Variants in PIWIL1 observed in about 807,000 individuals in gnomAD.
The protein encoded by PIWIL1 is piwi-like protein 1.
Under a neutral mutation model 114.4 loss-of-function variants are expected in PIWIL1, and 73 were observed. The ratio of observed to expected loss-of-function variants is 0.64; its 90% confidence interval spans 0.53 to 0.78. PIWIL1 has a LOEUF of 0.78. PIWIL1 is among the 30% of genes least tolerant of loss of function. The pLI is 0.00. For missense variants in PIWIL1, 723 were observed against 1,063.1 expected, an observed-to-expected ratio of 0.68 and a Z score of 4.45; for synonymous variants, 375 against 369.0, an observed-to-expected ratio of 1.02 and a Z score of -0.19.
In PIWIL1 at chr12:130,343,078, C is replaced by T; in HGVS notation, c.167C>T (p.Ala56Val). ...LFGRGRQRGTAGGTAKSQGLQ... is the reference protein window; with the variant it reads ...LFGRGRQRGTVGGTAKSQGLQ... ...GGCCGTGGACGGCAGAGAGGAACAGCAGGAGGAACAGCCAAGTCACAAGGT... is the reference window on the plus strand; with the variant it reads ...GGCCGTGGACGGCAGAGAGGAACAGTAGGAGGAACAGCCAAGTCACAAGGT... The change falls in exon 3 of 21, where the codon GCA (alanine) becomes GTA (valine). Residue 56 changes from alanine to valine, a missense_variant. Ala to Val is a moderately conservative substitution (Grantham distance 64). Transcript: ENST00000245255. The T allele has an allele frequency of 6.2e-7, 1 of 1,613,328 alleles. No individual in the cohort carries two copies. Among genetic ancestry groups the T allele is most frequent in the Non-Finnish European group, 8.5e-7 (1 of 1,179,496 alleles).
the PIWIL1 span, among the ~76,000 whole-genome samples, chr12:130,390,531 AT>A: frequency 6.6e-6 from 1 of 152,108 alleles, no homozygotes; most frequent in African/African-American, 2.4e-5. Flanking sequence ...CCCTGCTCCA[AT>A]TCAGCCACCT....
At chr12:130,385,474 G>C in the PIWIL1 span, among the ~76,000 whole-genome samples, 607 of 152,266 alleles carry the variant, frequency 4.0e-3, 4 homozygotes, top group African/African-American at 0.014. Context: ...ACTTAACTGT[G>C]AAACAAAACA....
chr12:130,416,013 G>A, the PIWIL1 span, among the ~76,000 whole-genome samples: 3 of 151,686 alleles, frequency 2.0e-5, no homozygotes, highest in South Asian at 2.1e-4. Context: ...AAGACACACA[G>A]AATGTACCTA....
At chr12:130,357,849 A>G (rs1308066090) in intron 14 of PIWIL1, among the ~76,000 whole-genome samples, 1 of 152,192 alleles carries the variant, frequency 6.6e-6, no homozygotes, top group Non-Finnish European at 1.5e-5. Context: ...AAAATACAGA[A>G]AAGCACAGAG....
intron 9 of PIWIL1, among the ~76,000 whole-genome samples, chr12:130,353,301 C>T (rs1248630769): frequency 8.4e-6 from 1 of 119,672 alleles, no homozygotes; most frequent in African/African-American, 3.1e-5. Flanking sequence ...TTCTGGTGTG[C>T]TCAGTGGAGG....
the PIWIL1 span, among the ~76,000 whole-genome samples, chr12:130,400,815 C>T: frequency 1.3e-5 from 2 of 152,164 alleles, no homozygotes; most frequent in Non-Finnish European, 2.9e-5. Flanking sequence ...ATTCAGGTGG[C>T]CAGCAGGCAC....
At position 130,341,221 on chromosome 12, in the gene PIWIL1, C is replaced by T. The variant is rs115258183; in HGVS notation, c.-12-1359C>T. On this transcript the variant is annotated intron_variant, in intron 1 of 20. Transcript: ENST00000245255. ...TGCCCACATGAAATCCTCCACTCCCCTTGCCCCTTCTCTTTCCAGTCCCAC... is the reference window on the plus strand; with the variant it reads ...TGCCCACATGAAATCCTCCACTCCCTTTGCCCCTTCTCTTTCCAGTCCCAC... 9.3e-3 allele frequency among the ~76,000 whole-genome samples: 1,424 copies of T among 152,344 alleles called. 34 individuals carry two copies. Among genetic ancestry groups the T allele is most frequent in the African/African-American group, 0.033 (1,364 of 41,574 alleles).
chr12:130,376,860 C>T (rs557776021), downstream of PIWIL1, among the ~76,000 whole-genome samples: 6 of 152,330 alleles, frequency 3.9e-5, no homozygotes, highest in African/African-American at 7.2e-5. Flanking sequence ...AACACAGAGT[C>T]GTTGCCAGGT....
chr12:130,364,870 T>C (rs1359833301), intron 18 of PIWIL1, among the ~76,000 whole-genome samples: 2 of 152,188 alleles, frequency 1.3e-5, no homozygotes, highest in African/African-American at 4.8e-5. Context: ...GTGAAGGAAA[T>C]TGTCAAGAAA....
Position 130,357,083 on chromosome 12 carries a change from A to G in PIWIL1, c.1570A>G (p.Met524Val), listed in dbSNP as rs1210296076. ...NLFKVTPAMG[M>V]QMRKAIMIEV... The stretch of plus-strand genomic sequence containing the variant: ...ATTTAAAGTTACACCAGCCATGGGC[A>G]TGCAAATGAGAAAAGCAATAATGTA... The change falls in exon 13 of 21, where the codon ATG (methionine) becomes GTG (valine). Residue 524 changes from methionine to valine, a missense_variant. By Grantham distance (21) the Met-to-Val change is conservative. Coordinates refer to ENST00000245255, the MANE Select transcript of PIWIL1 (RefSeq NM_004764.5). The G allele has an allele frequency of 6.2e-7, 1 of 1,610,050 alleles. No individual in the cohort carries two copies. The highest frequency in any genetic ancestry group is 1.1e-5 in the South Asian group (1 of 90,430).
At chr12:130,389,066 A>G in the PIWIL1 span, among the ~76,000 whole-genome samples, 29 of 152,122 alleles carry the variant, frequency 1.9e-4, no homozygotes, top group Non-Finnish European at 3.8e-4. Flanking sequence ...TTGAGATGAT[A>G]ATATGGTTTT....
chr12:130,406,518 A>AT, the PIWIL1 span, among the ~76,000 whole-genome samples: 1 of 152,244 alleles, frequency 6.6e-6, no homozygotes, highest in Non-Finnish European at 1.5e-5. Flanking sequence ...CTGATAATAC[A>AT]TTTTTAAAGC....
intron 1 of PIWIL1, among the ~76,000 whole-genome samples, chr12:130,342,050 T>C (rs2072930116): frequency 6.6e-6 from 1 of 152,092 alleles, no homozygotes; most frequent in African/African-American, 2.4e-5. Flanking sequence ...GTATGTTCAG[T>C]GTAAGCCACA....
chr12:130,361,824 G>A (rs567835947), intron 16 of PIWIL1, among the ~76,000 whole-genome samples: 117 of 152,114 alleles, frequency 7.7e-4, no homozygotes, highest in African/African-American at 2.6e-3. Flanking sequence ...ATGTATTGGC[G>A]AGTACATCTT....
chr12:130,402,308 G>A, the PIWIL1 span, among the ~76,000 whole-genome samples: 5 of 152,084 alleles, frequency 3.3e-5, no homozygotes, highest in South Asian at 2.1e-4. Flanking sequence ...TTATCCTTGC[G>A]TTCTCAAGGG....
At chr12:130,358,797 C>G (rs1052739714) in intron 14 of PIWIL1, among the ~76,000 whole-genome samples, 1 of 152,196 alleles carries the variant, frequency 6.6e-6, no homozygotes, top group African/African-American at 2.4e-5. Context: ...GCACACTGCT[C>G]TCTAGTACAA....
At chr12:130,350,075 A>G (rs185229158) in intron 9 of PIWIL1, 108 bp downstream of exon 9, 19 of 618,626 alleles carry the variant, frequency 3.1e-5, no homozygotes, top group African/African-American at 2.8e-4. Flanking sequence ...CTGTGTGTAA[A>G]TGTATTTGTT....
chr12:130,384,658 G>A, the PIWIL1 span, among the ~76,000 whole-genome samples: 39 of 152,116 alleles, frequency 2.6e-4, no homozygotes, highest in Non-Finnish European at 5.0e-4. Flanking sequence ...GTGCATCGTG[G>A]TTTTATACAA....
At chr12:130,423,079 C>G in the PIWIL1 span, among the ~76,000 whole-genome samples, 1 of 152,204 alleles carries the variant, frequency 6.6e-6, no homozygotes, top group Admixed American at 6.5e-5. Flanking sequence ...TACTCCTAAT[C>G]TGAAAATGCT....
Sources: gnomAD v4.1 joint callset for allele counts (sites outside exome capture counted in the v4.1 genomes callset) on GRCh38, gnomAD v4.1.1 for gene constraint, MANE v1.5 for transcripts, NCBI Gene and HGNC (gene_info 2026-07-23, HGNC 2026-07-21) for gene names.